The following BECN1 variants were observed in gnomAD, a reference collection of about 807,000 sequenced individuals.
The protein encoded by BECN1 is beclin 1.
Under a neutral mutation model 60.1 loss-of-function variants are expected in BECN1, and 15 were observed. The observed-to-expected ratio is 0.25, with a 90% CI of 0.17 to 0.38. The LOEUF is 0.38. Among genes scored for constraint, BECN1 ranks in the 10% least tolerant of loss-of-function variants. The pLI, the probability that BECN1 is intolerant of heterozygous loss-of-function variation, is 1.00. For synonymous variants in BECN1, 179 were observed against 201.8 expected (o/e 0.89, Z 0.96); for missense variants, 424 against 548.2 (o/e 0.77, Z 2.26).
intron 8 of BECN1, chr17:42,815,001 A>T: frequency 3.2e-6 from 1 of 315,848 alleles, no homozygotes. Flanking sequence ...TTTCCTTTAG[A>T]TTCCTACTGA....
At position 42,818,557 on chromosome 17, in the gene BECN1, A is replaced by C. The variant is rs746392687; in HGVS notation, c.475T>G (p.Cys159Gly). 6.2e-7 allele frequency: 1 copy of C among 1,614,144 alleles called. No homozygotes were observed. The highest frequency in any genetic ancestry group is 8.5e-7 in the Non-Finnish European group (1 of 1,180,028). ...GGAGACACTCACTTGTAGTTCTGAC[A>C]CTCATTTTCAGTGACGTTGAGCTGA... is the stretch of plus-strand genomic sequence containing the variant. ...DTQLNVTENECQNYKRCLEIL... is the reference protein window; with the variant it reads ...DTQLNVTENEGQNYKRCLEIL... The change falls in exon 6 of 12, where the codon TGT becomes GGT. Residue 159 changes from cysteine to glycine, a missense_variant. Cys to Gly is a radical substitution (Grantham distance 159, BLOSUM62 -3). Transcript: ENST00000590099.
Position 42,823,869 on chromosome 17 carries a change from C to T in BECN1, c.9G>A (p.Gly3=), listed in dbSNP as rs2055329222. 1 of 1,613,656 alleles carries T rather than the reference C, an allele frequency of 6.2e-7. No homozygotes were observed. The highest frequency in any genetic ancestry group is 8.5e-7 in the Non-Finnish European group (1 of 1,179,632). ...TGGTGCTGTTGTTGGACGTCTTAGA[C>T]CCTTCCATCCCTGAGGCCGTGGAAA... ME[G]SKTSNNSTMQ... Residue 3 remains glycine (G), a synonymous_variant, in exon 2 of 12, where the codon GGG becomes GGA. Transcript: ENST00000590099.
intron 2 of BECN1, among the ~76,000 whole-genome samples, chr17:42,821,203 G>A (rs563865799): frequency 6.6e-6 from 1 of 152,198 alleles, no homozygotes; most frequent in South Asian, 2.1e-4. Flanking sequence ...GGGACTACAG[G>A]CGTGCACCAC....
Position 42,818,414 on chromosome 17 carries a change from G to A in BECN1, c.490C>T (p.Arg164Cys), listed in dbSNP as rs147205679. The change falls in exon 7 of 12, where the codon CGC becomes TGC. Residue 164 changes from arginine to cysteine, a missense_variant and splice_region_variant. Around this residue, in one of 3 missense-constraint regions of BECN1, gnomAD observed 326 missense variants for 406.2 expected, o/e 0.80. Coordinates refer to ENST00000590099, the MANE Select transcript of BECN1 (RefSeq NM_001313998.2). The stretch of plus-strand genomic sequence containing the variant: ...ATTTGCTCTAAGATCTCCAAACAGC[G>A]TCTGCCAAAGACACAGGCAGACTAT... ...VTENECQNYK[R>C]CLEILEQMNE... The A allele has an allele frequency of 1.1e-4, 178 of 1,614,130 alleles. No individual in the cohort carries two copies. The highest frequency in any genetic ancestry group is 8.6e-4 in the South Asian group (78 of 91,076).
chr17:42,822,707 T>A, intron 2 of BECN1, among the ~76,000 whole-genome samples: 1 of 152,022 alleles, frequency 6.6e-6, no homozygotes. Flanking sequence ...GCCTTTTTAA[T>A]TAATTTATTT....
chr17:42,810,548 C>A lies in BECN1; in HGVS notation c.*212G>T. 2.5e-6 allele frequency: 1 copy of A among 406,540 alleles called. No individual in the cohort carries two copies. 25.2% of individuals were successfully genotyped at this position (406,540 alleles called of 1,614,324 possible). On this transcript the variant is annotated 3_prime_UTR_variant, in exon 12 of 12. Coordinates refer to ENST00000590099, the MANE Select transcript of BECN1 (RefSeq NM_001313998.2). ...GAGTCCATGGGGTTAAGAATCAAAA[C>A]TGACCAGGGCTGGCAACTATAGATG...
chr17:42,818,678 G>C lies in BECN1; in HGVS notation c.354C>G (p.Val118=). ...TMENLSRRLK[V]TGDLFDIMSG... is the part of the protein sequence containing the mutation. ...ACATGATGTCAAAAAGGTCCCCAGT[G>C]ACCTGGAAGTGTGGGAGAGTCAGGG... Residue 118 remains valine (V), a splice_region_variant and synonymous_variant, in exon 6 of 12, where the codon GTC becomes GTG. Coordinates refer to ENST00000590099, the MANE Select transcript of BECN1 (RefSeq NM_001313998.2). The C allele has an allele frequency of 1.5e-5, 24 of 1,614,200 alleles. No individual in the cohort carries two copies. Among genetic ancestry groups the C allele is most frequent in the Non-Finnish European group, 2.0e-5 (24 of 1,180,044 alleles).
At chr17:42,811,048 G>A (rs747552734) in intron 11 of BECN1, 120 bp from the exon 12 acceptor site, 1 of 1,065,018 alleles carries the variant, frequency 9.4e-7, no homozygotes, top group South Asian at 2.0e-5. Context: ...ACTTGGTGAG[G>A]AATGATAGTG....
chr17:42,811,434 C>T (rs769718804), intron 11 of BECN1: 2 of 469,062 alleles, frequency 4.3e-6, no homozygotes, highest in Non-Finnish European at 7.1e-6. Flanking sequence ...AGAAAACCCC[C>T]TAAACCATCT....
chr17:42,819,252 G>T, intron 4 of BECN1: 1 of 465,714 alleles, frequency 2.1e-6, no homozygotes. Context: ...AACAACATTT[G>T]CTAGTTTGAA....
chr17:42,821,969 G>A (rs1203416598), intron 2 of BECN1, among the ~76,000 whole-genome samples: 1 of 152,226 alleles, frequency 6.6e-6, no homozygotes, highest in Non-Finnish European at 1.5e-5. Flanking sequence ...CACTTTGGGA[G>A]GCTGAGGCGG....
At chr17:42,815,167 T>C (rs1248189260) in intron 8 of BECN1, among the ~76,000 whole-genome samples, 2 of 149,036 alleles carry the variant, frequency 1.3e-5, no homozygotes, top group Admixed American at 6.8e-5. Context: ...CCAAACCTCT[T>C]AACGAGGCCT....
intron 10 of BECN1, chr17:42,812,703 A>G (rs1158495872): frequency 1.3e-5 from 2 of 151,810 alleles, no homozygotes; most frequent in East Asian, 1.9e-4. Flanking sequence ...CCTGGGTGAC[A>G]GAGTGAGACT....
intron 11 of BECN1, 60 bp from the exon 12 acceptor site, chr17:42,810,988 G>T: frequency 1.4e-6 from 2 of 1,468,876 alleles, no homozygotes; most frequent in Non-Finnish European, 1.8e-6. Flanking sequence ...TAAGTTCGGG[G>T]CAGGGACTTG....
In BECN1 at chr17:42,819,176, AAAT is replaced by A. The variant is rs140827960; in HGVS notation, c.261-302_261-300del. 836 of 481,246 alleles carry A rather than the reference AAAT, an allele frequency of 1.7e-3. 8 individuals are homozygous for A. The highest frequency in any genetic ancestry group is 0.015 in the African/African-American group (755 of 51,212). 29.8% of individuals were successfully genotyped at this position (481,246 alleles called of 1,614,324 possible). The stretch of plus-strand genomic sequence containing the variant: ...GAGAACCAGGAAAGGCCATTTTAGA[AAAT>A]ATTATACCCCTTGCCAGCAAGCTCT... On this transcript the variant is annotated intron_variant, in intron 4 of 11. Transcript: ENST00000590099.
intron 7 of BECN1, 121 bp from the exon 8 acceptor site, chr17:42,816,175 T>C (rs1273454344): frequency 4.6e-6 from 5 of 1,087,636 alleles, no homozygotes; most frequent in Non-Finnish European, 6.5e-6. Context: ...ATCTTTTATA[T>C]TTGGCATAGA....
At position 42,818,215 on chromosome 17, in the gene BECN1, A is replaced by G. The variant is rs370742714; in HGVS notation, c.683+6T>C. ...TGTGAGAAGATAGAACAGGGTGAGC[A>G]CTCACTGAGCTTCCTCCTGATCCAG... On this transcript the variant is annotated splice_donor_region_variant and intron_variant, in intron 7 of 11. Coordinates refer to ENST00000590099, the MANE Select transcript of BECN1 (RefSeq NM_001313998.2). 5.0e-5 allele frequency: 81 copies of G among 1,613,428 alleles called. No homozygotes were observed. In the African/African-American group the frequency reaches 1.1e-3, roughly 21 times the overall value.
chr17:42,814,352 TG>T, intron 9 of BECN1, 171 bp downstream of exon 9: 1 of 811,852 alleles, frequency 1.2e-6, no homozygotes, highest in Non-Finnish European at 1.9e-6. Context: ...GTGTGATCAG[TG>T]GAGAGAGCCC....
At chr17:42,819,506 C>G (rs1486026831) in intron 4 of BECN1, 42 bp downstream of exon 4, 2 of 1,600,284 alleles carry the variant, frequency 1.2e-6, no homozygotes, top group Non-Finnish European at 1.7e-6. Context: ...TAAAATTCTA[C>G]TAGCCTTTGG....
Sources: gnomAD v4.1 joint callset for allele counts (sites outside exome capture counted in the v4.1 genomes callset) on GRCh38, gnomAD v4.1.1 for gene constraint, gnomAD v4.1.1 regional missense constraint, MANE v1.5 for transcripts, NCBI Gene and HGNC (gene_info 2026-07-23, HGNC 2026-07-21) for gene names.